SLIT3: variants seen among roughly 807,000 people sequenced by gnomAD.
SLIT3 encodes the protein slit guidance ligand 3, also known as slit homolog 3 protein.
SLIT3 carries 68 observed loss-of-function variants against 184.0 expected under a neutral mutation model. The observed-to-expected ratio is 0.37, with a 90% CI of 0.30 to 0.45. The LOEUF is 0.45. Ranked by LOEUF, SLIT3 falls within the 20% of genes least tolerant of loss-of-function variation. The pLI is 1.00. For missense variants in SLIT3, 1,707 were observed against 2,026.0 expected (o/e 0.84, Z 3.02); for synonymous variants, 831 against 828.6 (o/e 1.00, Z -0.05).
intron 4 of SLIT3, among the ~76,000 whole-genome samples, chr5:168,900,825 C>T (rs1760840579): frequency 6.6e-6 from 1 of 152,216 alleles, no homozygotes; most frequent in Non-Finnish European, 1.5e-5. Flanking sequence ...ATGGATGGAA[C>T]TGGAGGTCAT....
At chr5:168,855,227 G>A (rs62378548) in intron 5 of SLIT3, among the ~76,000 whole-genome samples, 1,733 of 152,290 alleles carry the variant, frequency 0.011, 16 homozygotes, top group South Asian at 0.022. Flanking sequence ...ATAAGTGCTC[G>A]GTGAGGATGT....
chr5:169,017,259 G>A (rs548883857), intron 4 of SLIT3, among the ~76,000 whole-genome samples: 19 of 152,260 alleles, frequency 1.2e-4, no homozygotes, highest in Admixed American at 5.9e-4. Context: ...AGGCTGCTTC[G>A]CATGTTATCA....
rs12658050 is a variant in SLIT3 at position 169,176,875 on chromosome 5, C to T, written c.413+16604G>A. 0.019 allele frequency among the ~76,000 whole-genome samples: 2,964 copies of T among 152,282 alleles called. 190 individuals are homozygous for T. The East Asian group carries it at 0.24, about 12-fold the overall frequency. On this transcript the variant is annotated intron_variant, in intron 4 of 35. Transcript: ENST00000519560. ...CTGGTGAAGAAAACTAGAGGGCCAA[C>T]CTCCCTCTTTCTGCCAGCACCCTCT... is the stretch of plus-strand genomic sequence containing the variant.
At chr5:168,758,055 A>G (rs1755015169) in intron 16 of SLIT3, among the ~76,000 whole-genome samples, 1 of 152,118 alleles carries the variant, frequency 6.6e-6, no homozygotes, top group Non-Finnish European at 1.5e-5. Context: ...TGAGAAATGG[A>G]AACATTTGGC....
chr5:168,823,205 A>G, intron 7 of SLIT3, 55 bp downstream of exon 7: 1 of 1,353,964 alleles, frequency 7.4e-7, no homozygotes, highest in Middle Eastern at 1.8e-4. Context: ...AGAGTGCTGC[A>G]CTTTGGGCGT....
intron 4 of SLIT3, among the ~76,000 whole-genome samples, chr5:169,041,446 A>C (rs370933518): frequency 0.013 from 1,613 of 123,006 alleles, 34 homozygotes; most frequent in African/African-American, 0.045. Context: ...TCTATCATGG[A>C]TTTGATTTGA....
intron 4 of SLIT3, among the ~76,000 whole-genome samples, chr5:169,097,513 G>T (rs928756725): frequency 7.2e-5 from 11 of 152,182 alleles, no homozygotes; most frequent in Non-Finnish European, 1.6e-4. Context: ...ACATGTAGAC[G>T]CATTTTCAAA....
chr5:169,164,959 T>C (rs1192731877), intron 4 of SLIT3, among the ~76,000 whole-genome samples: 2 of 152,238 alleles, frequency 1.3e-5, no homozygotes, highest in Admixed American at 1.3e-4. Context: ...CTTATTGCTG[T>C]GCCAATCTGG....
At chr5:168,899,710 G>A (rs1308773328) in intron 4 of SLIT3, among the ~76,000 whole-genome samples, 1 of 152,138 alleles carries the variant, frequency 6.6e-6, no homozygotes, top group African/African-American at 2.4e-5. Flanking sequence ...TTTCTTTGGG[G>A]CCTTCATGCA....
chr5:168,811,645 A>T (rs1757160443), intron 8 of SLIT3, among the ~76,000 whole-genome samples: 1 of 152,192 alleles, frequency 6.6e-6, no homozygotes, highest in Non-Finnish European at 1.5e-5. Flanking sequence ...CATCTTTAAA[A>T]AACCTCATCC....
intron 1 of SLIT3, among the ~76,000 whole-genome samples, chr5:169,290,317 A>AG (rs144194903): frequency 0.088 from 8,394 of 95,422 alleles, 424 homozygotes; most frequent in Middle Eastern, 0.24. Context: ...GCACATGCTA[A>AG]GGCACACGCT....
At chr5:168,785,267 T>C (rs1202493900) in intron 12 of SLIT3, among the ~76,000 whole-genome samples, 1 of 152,218 alleles carries the variant, frequency 6.6e-6, no homozygotes, top group Non-Finnish European at 1.5e-5. Context: ...TTCTTTTCCT[T>C]CCTTCTCCAC....
intron 9 of SLIT3, among the ~76,000 whole-genome samples, chr5:168,798,954 G>A (rs921976141): frequency 6.6e-6 from 1 of 152,148 alleles, no homozygotes; most frequent in Non-Finnish European, 1.5e-5. Context: ...GGTTGAGCTG[G>A]GTCTCAAAGC....
At position 168,797,500 on chromosome 5, in the gene SLIT3, G is replaced by A. The variant is rs375079660; in HGVS notation, c.936-1922C>T. Among the ~76,000 whole-genome samples the A allele has an allele frequency of 2.6e-5, 4 of 152,340 alleles. 1 individual carries two copies. In the South Asian group the frequency reaches 8.3e-4, roughly 32 times the overall value. On this transcript the variant is annotated intron_variant, in intron 9 of 35. Coordinates refer to ENST00000519560, the MANE Select transcript of SLIT3 (RefSeq NM_003062.4). ...TATGCAAGTCAGGCTAGCACTGGGT[G>A]TGAGGTCTGTGGGCTCTCTATGCAG...
At chr5:168,932,444 C>A (rs567422966) in intron 4 of SLIT3, among the ~76,000 whole-genome samples, 1 of 151,730 alleles carries the variant, frequency 6.6e-6, no homozygotes, top group South Asian at 2.1e-4. Flanking sequence ...TTTTCTCTTT[C>A]CCTAGGAGAC....
At chr5:168,781,973 C>T (rs1755988520) in intron 12 of SLIT3, among the ~76,000 whole-genome samples, 1 of 152,146 alleles carries the variant, frequency 6.6e-6, no homozygotes, top group Admixed American at 6.5e-5. Flanking sequence ...AGATGATGCA[C>T]ATGAAATTGC....
intron 4 of SLIT3, among the ~76,000 whole-genome samples, chr5:168,897,573 C>T (rs1053910421): frequency 1.3e-5 from 2 of 150,068 alleles, no homozygotes; most frequent in Non-Finnish European, 3.0e-5. Context: ...ACAGAAGAGA[C>T]CGTGAAAGGA....
At chr5:169,127,276 A>T (rs923585319) in intron 4 of SLIT3, among the ~76,000 whole-genome samples, 4 of 152,244 alleles carry the variant, frequency 2.6e-5, no homozygotes, top group Non-Finnish European at 4.4e-5. Context: ...TGCCCTTAAA[A>T]CTGCTGTAGC....
intron 4 of SLIT3, among the ~76,000 whole-genome samples, chr5:169,169,038 G>A (rs561401794): frequency 5.3e-5 from 2 of 37,816 alleles, no homozygotes; most frequent in Non-Finnish European, 9.1e-5. Flanking sequence ...AGCCCAGAGT[G>A]GGGGGGGGAT....
Sources: gnomAD v4.1 joint callset for allele counts (sites outside exome capture counted in the v4.1 genomes callset) on GRCh38, gnomAD v4.1.1 for gene constraint, MANE v1.5 for transcripts, NCBI Gene and HGNC (gene_info 2026-07-23, HGNC 2026-07-21) for gene names.